The following LRP1B variants were observed in gnomAD, a reference collection of about 807,000 sequenced individuals.
LRP1B encodes low-density lipoprotein receptor-related protein 1B.
In LRP1B, 217 loss-of-function variants were observed where a neutral mutation model predicts 556.6. The ratio of observed to expected loss-of-function variants is 0.39; its 90% CI spans 0.35 to 0.44. The LOEUF (loss-of-function observed/expected upper bound fraction) is 0.44. Among genes scored for constraint, LRP1B ranks in the 20% least tolerant of loss-of-function variants. The pLI is 1.00. For missense variants in LRP1B, 5,053 were observed against 5,620.8 expected, an observed-to-expected ratio of 0.90 and a Z score of 3.23; for synonymous variants, 2,047 against 1,865.8, an observed-to-expected ratio of 1.10 and a Z score of -2.50.
At chr2:141,477,960 T>C (rs1224069715) in intron 3 of LRP1B, among the ~76,000 whole-genome samples, 2 of 15,332 alleles carry the variant, frequency 1.3e-4, no homozygotes, top group Non-Finnish European at 4.5e-4. Context: ...AACCTCCTAC[T>C]GGCAAAAAAA....
chr2:141,200,409 C>T (rs768146098), intron 6 of LRP1B, among the ~76,000 whole-genome samples: 57 of 151,978 alleles, frequency 3.8e-4, no homozygotes, highest in South Asian at 1.0e-3. Context: ...GGGAGAGCAA[C>T]AGGAAAAATA....
At chr2:141,741,859 T>C (rs925458824) in intron 2 of LRP1B, among the ~76,000 whole-genome samples, 1 of 152,160 alleles carries the variant, frequency 6.6e-6, no homozygotes, top group Non-Finnish European at 1.5e-5. Flanking sequence ...GCGCAAGAAA[T>C]CTTTGACAAC....
chr2:141,237,549 G>A (rs2105309997), intron 5 of LRP1B, among the ~76,000 whole-genome samples: 1 of 151,768 alleles, frequency 6.6e-6, no homozygotes, highest in South Asian at 2.1e-4. Context: ...AACTCACTCA[G>A]GTAAACTACT....
chr2:141,161,369 C>T (rs1574140185), intron 7 of LRP1B, among the ~76,000 whole-genome samples: 1 of 152,074 alleles, frequency 6.6e-6, no homozygotes, highest in Non-Finnish European at 1.5e-5. Flanking sequence ...TGTCAAATAT[C>T]CATCTTCAAT....
At chr2:140,778,208 A>G (rs2104955750) in intron 32 of LRP1B, among the ~76,000 whole-genome samples, 1 of 152,304 alleles carries the variant, frequency 6.6e-6, no homozygotes, top group Non-Finnish European at 1.5e-5. Flanking sequence ...GAACTGCAAA[A>G]AGAATTAGCT....
rs952109903 is a variant in LRP1B, at chr2:141,377,512, A to G, written c.343+102884T>C. On this transcript the variant is annotated intron_variant, in intron 3 of 90. Transcript: ENST00000389484. ...ATTTGAAAAGTGTAATTTCCTCCCCAATTTTTTAGTTATCCTCAGATCTCT... is the reference window on the plus strand; with the variant it reads ...ATTTGAAAAGTGTAATTTCCTCCCCGATTTTTTAGTTATCCTCAGATCTCT... Among the ~76,000 whole-genome samples the G allele has an allele frequency of 3.3e-5, 5 of 152,026 alleles. 1 individual carries two copies. The highest frequency in any genetic ancestry group is 2.6e-4 in the Admixed American group (4 of 15,258).
intron 1 of LRP1B, among the ~76,000 whole-genome samples, chr2:141,899,766 A>G (rs766605564): frequency 2.6e-5 from 4 of 152,146 alleles, no homozygotes; most frequent in Non-Finnish European, 5.9e-5. Flanking sequence ...ATGAAAAATA[A>G]TATCAAAATG....
At chr2:141,625,717 T>G (rs547547925) in intron 2 of LRP1B, among the ~76,000 whole-genome samples, 1 of 152,158 alleles carries the variant, frequency 6.6e-6, no homozygotes, top group Non-Finnish European at 1.5e-5. Flanking sequence ...TAGTTACTTT[T>G]TATAGACATC....
At chr2:141,127,691 T>C (rs1270885859) in intron 7 of LRP1B, among the ~76,000 whole-genome samples, 1 of 152,190 alleles carries the variant, frequency 6.6e-6, no homozygotes, top group Non-Finnish European at 1.5e-5. Context: ...TTGGTTACTA[T>C]ATTAAATACA....
chr2:140,811,141 CTTG>C (rs1397713224), intron 32 of LRP1B, among the ~76,000 whole-genome samples: 1 of 152,000 alleles, frequency 6.6e-6, no homozygotes, highest in Non-Finnish European at 1.5e-5. Context: ...CAGCAATTTA[CTTG>C]TTAAGAGAAT....
chr2:141,835,377 C>T (rs576842293), intron 1 of LRP1B, among the ~76,000 whole-genome samples: 86 of 151,682 alleles, frequency 5.7e-4, no homozygotes, highest in Middle Eastern at 3.4e-3. Context: ...CTGTCAACTC[C>T]AGTGTGGACA....
chr2:141,486,559 T>C (rs374202980), intron 2 of LRP1B, among the ~76,000 whole-genome samples: 17 of 152,088 alleles, frequency 1.1e-4, no homozygotes, highest in African/African-American at 3.6e-4. Context: ...AACATCGTCA[T>C]ATCTTAGCGG....
chr2:140,246,655 G>T (rs1436347024), intron 87 of LRP1B, among the ~76,000 whole-genome samples: 1 of 151,246 alleles, frequency 6.6e-6, no homozygotes, highest in African/African-American at 2.4e-5. Flanking sequence ...TTCTCTTTCA[G>T]ACTAACCAAT....
At chr2:140,855,826 T>C (rs903384123) in intron 27 of LRP1B, among the ~76,000 whole-genome samples, 10 of 152,210 alleles carry the variant, frequency 6.6e-5, no homozygotes, top group African/African-American at 2.4e-4. Flanking sequence ...AGACTGTCTC[T>C]AAAAGCAGGT....
At chr2:140,278,852 A>G (rs1682798496) in intron 84 of LRP1B, among the ~76,000 whole-genome samples, 1 of 151,888 alleles carries the variant, frequency 6.6e-6, no homozygotes, top group African/African-American at 2.4e-5. Context: ...TGCTGAGTTG[A>G]AATTCAGGGG....
chr2:140,684,297 T>A lies in LRP1B; in HGVS notation c.6799+15953A>T, dbSNP rs1392464761. 1.3e-5 allele frequency among the ~76,000 whole-genome samples: 2 copies of A among 152,360 alleles called. 1 individual carries two copies. Among genetic ancestry groups the A allele is most frequent in the Admixed American group, 1.3e-4 (2 of 15,308 alleles). On this transcript the variant is annotated intron_variant, in intron 41 of 90. Transcript: ENST00000389484. The stretch of plus-strand genomic sequence containing the variant: ...ATGTTCATCTTCTCATTGAACTCTG[T>A]TCTCTAATGCTGGCAGAAAAAGATG...
intron 7 of LRP1B, among the ~76,000 whole-genome samples, chr2:141,120,388 T>C (rs529776610): frequency 6.6e-6 from 1 of 152,058 alleles, no homozygotes; most frequent in South Asian, 2.1e-4. Flanking sequence ...AATTATTTTT[T>C]ATGCCTGGGT....
At chr2:141,624,722 C>G (rs916269129) in intron 2 of LRP1B, among the ~76,000 whole-genome samples, 1 of 152,090 alleles carries the variant, frequency 6.6e-6, no homozygotes, top group Non-Finnish European at 1.5e-5. Context: ...CTCATTTTTA[C>G]AAATGTAACT....
chr2:141,149,691 T>C (rs1230181512), intron 7 of LRP1B, among the ~76,000 whole-genome samples: 1 of 152,148 alleles, frequency 6.6e-6, no homozygotes, highest in Non-Finnish European at 1.5e-5. Flanking sequence ...CAGTCTTTGC[T>C]TCCCAAGACA....
Sources: allele counts gnomAD v4.1 joint callset (sites outside exome capture counted in the v4.1 genomes callset), GRCh38; gene constraint gnomAD v4.1.1; transcripts MANE v1.5; gene names NCBI Gene and HGNC (gene_info 2026-07-23, HGNC 2026-07-21).